PA2G4: variants seen among roughly 807,000 people sequenced by gnomAD.
PA2G4 encodes the protein proliferation-associated protein 2G4.
Under a neutral mutation model 53.3 loss-of-function variants are expected in PA2G4, and 8 were observed. The observed-to-expected ratio is 0.15, with a 90% confidence interval of 0.09 to 0.27. The LOEUF (loss-of-function observed/expected upper bound fraction) is 0.27. PA2G4 is among the 10% of genes least tolerant of loss of function. The probability of loss-of-function intolerance (pLI) is 1.00; values close to 1 mark genes in which losing one functional copy is unlikely to be tolerated. For synonymous variants in PA2G4, 143 were observed against 169.8 expected, an observed-to-expected ratio of 0.84 and a Z score of 1.23; for missense variants, 208 against 486.8, an observed-to-expected ratio of 0.43 and a Z score of 5.39.
chr12:56,105,373 TC>T (rs1469247283), intron 1 of PA2G4, among the ~76,000 whole-genome samples: 1 of 152,214 alleles, frequency 6.6e-6, no homozygotes, highest in African/African-American at 2.4e-5. Flanking sequence ...CTGGAGCCTT[TC>T]CTTCTTTACT....
chr12:56,111,588 CTG>C (rs1314529148), intron 12 of PA2G4, 59 bp downstream of exon 12: 1 of 1,454,228 alleles, frequency 6.9e-7, no homozygotes, highest in East Asian at 2.3e-5. Context: ...CTTTCTCCCA[CTG>C]TGTTAAGTTG....
At chr12:56,108,215 A>C (rs545938378) in intron 5 of PA2G4, among the ~76,000 whole-genome samples, 2 of 152,326 alleles carry the variant, frequency 1.3e-5, no homozygotes, top group South Asian at 2.1e-4. Context: ...CTTGGGAAAC[A>C]TAGCGAGACC....
At chr12:56,110,903 G>A in intron 9 of PA2G4, 61 bp from the exon 10 acceptor site, 3 of 1,510,346 alleles carry the variant, frequency 2.0e-6, no homozygotes, top group Non-Finnish European at 2.7e-6. Flanking sequence ...TAAAATATGA[G>A]CAAAATGGTA....
chr12:56,111,436 A>G (rs1454550758), intron 11 of PA2G4, 40 bp from the exon 12 acceptor site: 12 of 1,610,574 alleles, frequency 7.5e-6, no homozygotes, highest in Non-Finnish European at 1.0e-5. Context: ...AATTTCCTCC[A>G]CATTTCTCAA....
intron 2 of PA2G4, 62 bp downstream of exon 2, chr12:56,106,778 T>C: frequency 6.5e-7 from 1 of 1,541,602 alleles, no homozygotes; most frequent in Non-Finnish European, 8.7e-7. Flanking sequence ...TATATGTTTT[T>C]ATTTTTTTCA....
intron 12 of PA2G4, among the ~76,000 whole-genome samples, 158 bp downstream of exon 12, chr12:56,111,687 T>C (rs1869428699): frequency 2.1e-5 from 3 of 141,788 alleles, no homozygotes; most frequent in Admixed American, 1.5e-4. Flanking sequence ...TTGAAAATAC[T>C]GTAAGTCAAA....
chr12:56,110,779 C>CT (rs1869403936), intron 9 of PA2G4, 87 bp downstream of exon 9: 1 of 1,526,954 alleles, frequency 6.5e-7, no homozygotes, highest in African/African-American at 1.4e-5. Flanking sequence ...CCTGCCTAGA[C>CT]TTGTAGCGTG....
In PA2G4 at chr12:56,110,854, A is replaced by G. The variant is rs879235833; in HGVS notation, c.843-110A>G. 38 of 1,344,708 alleles carry G rather than the reference A, an allele frequency of 2.8e-5. No individual in the cohort carries two copies. In the Middle Eastern group the frequency reaches 7.4e-4, roughly 26 times the overall value. The allele number at this position is 1,344,708 out of a possible 1,614,324, so 83.3% of individuals were successfully genotyped here. A position where few individuals can be genotyped will look rare whatever the true frequency, so the allele number is the denominator to read the frequency against. On this transcript the variant is annotated intron_variant, in intron 9 of 12. Transcript: ENST00000303305. ...TCATTGAAGGTAATGTAAAAGAGCA[A>G]TCCTAAGCATGATTTCTGCCTGAGG... is the stretch of plus-strand genomic sequence containing the variant.
In PA2G4 at chr12:56,113,753, C is replaced by A; in HGVS notation, c.*865C>A. 1.5e-6 allele frequency: 1 copy of A among 684,070 alleles called. No homozygotes were observed. Among genetic ancestry groups the A allele is most frequent in the Non-Finnish European group, 2.7e-6 (1 of 376,902 alleles). The allele number at this position is 684,070 out of a possible 1,614,324, so 42.4% of individuals were successfully genotyped here. A position where few individuals can be genotyped will look rare whatever the true frequency, so the allele number is the denominator to read the frequency against. On this transcript the variant is annotated 3_prime_UTR_variant, in exon 13 of 13. Coordinates refer to ENST00000303305, the MANE Select transcript of PA2G4 (RefSeq NM_006191.3). ...ACTCCTGGCTTTCTGAAGCTATGGA[C>A]TTGGATTGGATTGCTGGGGGTTTGT...
chr12:56,104,671 G>A lies in PA2G4; in HGVS notation c.-67G>A, dbSNP rs777829954. The A allele has an allele frequency of 7.1e-7, 1 of 1,405,084 alleles. No homozygotes were observed. Among genetic ancestry groups the A allele is most frequent in the Non-Finnish European group, 1.0e-6 (1 of 989,448 alleles). 87.0% of individuals were successfully genotyped at this position (1,405,084 alleles called of 1,614,324 possible). ...GAGGGGACTCTGACCACAGCCTGTG[G>A]CTGGGAAGGGAGACAGAGGCGGCGG... On this transcript the variant is annotated 5_prime_UTR_variant, in exon 1 of 13. Coordinates refer to ENST00000303305, the MANE Select transcript of PA2G4 (RefSeq NM_006191.3).
At position 56,110,513 on chromosome 12, in the gene PA2G4, C is replaced by T. The variant is rs1445701065; in HGVS notation, c.708+36C>T. On this transcript the variant is annotated intron_variant, in intron 8 of 12. Coordinates refer to ENST00000303305, the MANE Select transcript of PA2G4 (RefSeq NM_006191.3). ...TACCAGAGTTGGCAAAGAGGGGTGA[C>T]TGAGAGTGTTCACCAGACCAAATGT... 10 of 1,613,688 alleles carry T rather than the reference C, an allele frequency of 6.2e-6. No individual in the cohort carries two copies. In the African/African-American group the frequency reaches 9.3e-5, roughly 15 times the overall value.
Position 56,104,591 on chromosome 12 carries a change from T to C in PA2G4, c.-147T>C, listed in dbSNP as rs780552812. On this transcript the variant is annotated 5_prime_UTR_variant, in exon 1 of 13. Transcript: ENST00000303305. Reference sequence around the variant, plus strand: ...GCGCTCGCAGCTTCTCGCTCTCGCCTGCCTGCCCGCTCCCTTGCTTGCTCG... The same window carrying C: ...GCGCTCGCAGCTTCTCGCTCTCGCCCGCCTGCCCGCTCCCTTGCTTGCTCG... 19 of 833,186 alleles carry C rather than the reference T, an allele frequency of 2.3e-5. No individual in the cohort carries two copies. The South Asian group carries it at 2.4e-4, about 11-fold the overall frequency. 51.6% of individuals were successfully genotyped at this position (833,186 alleles called of 1,614,324 possible).
Position 56,109,346 on chromosome 12 carries a change from G to A in PA2G4, c.550+53G>A, listed in dbSNP as rs1258094916. On this transcript the variant is annotated intron_variant, in intron 6 of 12. Transcript: ENST00000303305. ...CTAAGAATGAGTGGCTTTGCCAGGT[G>A]CGGTGGCTCACGCCTGTAATCCCAG... The A allele has an allele frequency of 1.6e-5, 22 of 1,370,898 alleles. No individual in the cohort carries two copies. In the East Asian group the frequency reaches 5.2e-4, roughly 32 times the overall value. 84.9% of individuals were successfully genotyped at this position (1,370,898 alleles called of 1,614,324 possible).
In PA2G4 at chr12:56,109,885, T is replaced by C. The variant is rs1869383057; in HGVS notation, c.579T>C (p.His193=). The stretch of plus-strand genomic sequence containing the variant: ...TGCTGTCACACCAGTTGAAGCAGCA[T>C]GTCATCGATGGAGAAAAAACCATTA... ...EGMLSHQLKQ[H]VIDGEKTIIQ... Residue 193 remains histidine (H), a synonymous_variant, in exon 7 of 13, where the codon CAT becomes CAC. Transcript: ENST00000303305. 3.7e-6 allele frequency: 6 copies of C among 1,613,922 alleles called. No individual in the cohort carries two copies. The highest frequency in any genetic ancestry group is 5.1e-6 in the Non-Finnish European group (6 of 1,179,806).
At chr12:56,112,069 G>A (rs1484157086) in intron 12 of PA2G4, among the ~76,000 whole-genome samples, 1 of 152,130 alleles carries the variant, frequency 6.6e-6, no homozygotes, top group Admixed American at 6.5e-5. Flanking sequence ...GGCCGAGATC[G>A]CACCATTGCG....
Position 56,112,828 on chromosome 12 carries a change from C to A in PA2G4, c.1125C>A (p.Ser375=). 2.5e-6 allele frequency: 4 copies of A among 1,586,206 alleles called. No homozygotes were observed. The highest frequency in any genetic ancestry group is 3.4e-6 in the Non-Finnish European group (4 of 1,168,812). ...KTQKKKKKKA[S]KTAENATSGE... is the part of the protein sequence containing the mutation. ...TCTCCTTTTCTTGCATATAGGCCTC[C>A]AAGACTGCAGAGAATGCCACCAGTG... Residue 375 remains serine, a synonymous_variant, in exon 13 of 13, where the codon TCC becomes TCA. Transcript: ENST00000303305.
intron 1 of PA2G4, chr12:56,105,153 G>T: frequency 1.8e-6 from 1 of 568,878 alleles, no homozygotes; most frequent in Non-Finnish European, 3.3e-6. Context: ...TGCTTCCTCT[G>T]ATTCTGGCAG....
Position 56,113,794 on chromosome 12 carries a change from ATTTCAGTACCTC to A in PA2G4, c.*908_*919del, listed in dbSNP as rs1869482720. 1.4e-6 allele frequency: 1 copy of A among 698,872 alleles called. No homozygotes were observed. The highest frequency in any genetic ancestry group is 2.6e-6 in the Non-Finnish European group (1 of 383,748). 43.3% of individuals were successfully genotyped at this position (698,872 alleles called of 1,614,324 possible). ...GGGGGTTTGTAGAGAAAGGTGACAA[ATTTCAGTACCTC>A]TGGCATGCTGTCCCAGGAAACTAGG... On this transcript the variant is annotated 3_prime_UTR_variant, in exon 13 of 13. Transcript: ENST00000303305.
In PA2G4 at chr12:56,106,688, C is replaced by A. The variant is rs750670513; in HGVS notation, c.189C>A (p.Ile63=). ...DAMIMEETGK[I]FKKEKEMKKG... is the part of the protein sequence containing the mutation. ...TGATTATGGAAGAAACAGGGAAAAT[C>A]TTCAAGAAAGAAAAGGAAATGAAGA... Residue 63 remains isoleucine, a synonymous_variant, in exon 2 of 13, where the codon ATC becomes ATA. Transcript: ENST00000303305. The A allele has an allele frequency of 1.6e-5, 25 of 1,598,082 alleles. No homozygotes were observed. Among genetic ancestry groups the A allele is most frequent in the Non-Finnish European group, 2.1e-5 (25 of 1,175,758 alleles).
Sources: gnomAD v4.1 joint callset for allele counts (sites outside exome capture counted in the v4.1 genomes callset) on GRCh38, gnomAD v4.1.1 for gene constraint, MANE v1.5 for transcripts, NCBI Gene and HGNC (gene_info 2026-07-23, HGNC 2026-07-21) for gene names.